The following CFAP43 variants were observed in gnomAD, a reference collection of about 807,000 sequenced individuals.
CFAP43 encodes cilia and flagella associated protein 43, also known as cilia- and flagella-associated protein 43.
Under a neutral mutation model 218.9 loss-of-function variants are expected in CFAP43, and 155 were observed. That is an observed-to-expected ratio of 0.71 (90% CI 0.62 to 0.81). The LOEUF (loss-of-function observed/expected upper bound fraction) is 0.81. CFAP43 is among the 30% of genes least tolerant of loss of function. The pLI is 0.00. For missense variants in CFAP43, 1,778 were observed against 1,954.3 expected (o/e 0.91, Z 1.70); for synonymous variants, 645 against 681.3 (o/e 0.95, Z 0.83).
chr10:104,157,696 G>C (rs1333996263), intron 27 of CFAP43, among the ~76,000 whole-genome samples: 1 of 150,418 alleles, frequency 6.6e-6, no homozygotes. Flanking sequence ...AGAACCCTGT[G>C]CTGTCGAATT....
At chr10:104,219,471 G>A (rs186808389) in intron 3 of CFAP43, among the ~76,000 whole-genome samples, 1 of 152,182 alleles carries the variant, frequency 6.6e-6, no homozygotes, top group Non-Finnish European at 1.5e-5. Context: ...TTGGCTGAAA[G>A]GAATCTTCTT....
intron 12 of CFAP43, among the ~76,000 whole-genome samples, chr10:104,188,821 T>C (rs2090116344): frequency 6.6e-6 from 1 of 152,294 alleles, no homozygotes; most frequent in African/African-American, 2.4e-5. Flanking sequence ...GGTCAAGGAC[T>C]GTGGGTGTGG....
chr10:104,133,866 A>G, intron 34 of CFAP43, 82 bp from the exon 35 acceptor site: 2 of 1,262,040 alleles, frequency 1.6e-6, no homozygotes, highest in Non-Finnish European at 1.1e-6. Flanking sequence ...TGCTATTTTT[A>G]GAAAATACTT....
chr10:104,163,960 A>G (rs2134820277), intron 24 of CFAP43, 134 bp downstream of exon 24: 2 of 796,308 alleles, frequency 2.5e-6, no homozygotes, highest in East Asian at 5.3e-5. Context: ...AGGCTACATC[A>G]TGTCTTTCTG....
Position 104,166,608 on chromosome 10 carries a change from AT to A in CFAP43, c.2918del (p.Asn973IlefsTer10), listed in dbSNP as rs1415127109. ...EEEDKTVKYS[N>X]LPNYLLGSLS... is the part of the protein sequence containing the mutation. Reference sequence around the variant, plus strand: ...GACTACCAAGCAGGTAATTGGGCAAATTGCTATATTTTACTGTCTTGTCTTC... The same window carrying A: ...GACTACCAAGCAGGTAATTGGGCAAATGCTATATTTTACTGTCTTGTCTTC... On this transcript the variant is annotated frameshift_variant, in exon 23 of 38. Coordinates refer to ENST00000357060, the MANE Select transcript of CFAP43 (RefSeq NM_025145.7). LOFTEE classifies it high-confidence loss of function. The A allele has an allele frequency of 6.2e-7, 1 of 1,614,112 alleles. No homozygotes were observed. The highest frequency in any genetic ancestry group is 1.1e-5 in the South Asian group (1 of 91,078).
At chr10:104,194,848 T>G (rs2090339863) in intron 10 of CFAP43, among the ~76,000 whole-genome samples, 1 of 152,208 alleles carries the variant, frequency 6.6e-6, no homozygotes, top group Non-Finnish European at 1.5e-5. Context: ...GTCCAGCAGC[T>G]TGCCCAAGGA....
intron 16 of CFAP43, among the ~76,000 whole-genome samples, chr10:104,184,637 C>T (rs1029826712): frequency 6.6e-6 from 1 of 152,000 alleles, no homozygotes; most frequent in African/African-American, 2.4e-5. Flanking sequence ...CTTTCACAAT[C>T]GGGGCCACCA....
chr10:104,163,827 A>C (rs1398398791), intron 24 of CFAP43, among the ~76,000 whole-genome samples: 2 of 152,254 alleles, frequency 1.3e-5, no homozygotes, highest in African/African-American at 4.8e-5. Flanking sequence ...TAAGAGATGA[A>C]GATAGAAGGC....
intron 3 of CFAP43, 70 bp downstream of exon 3, chr10:104,225,391 G>T (rs957835691): frequency 5.0e-6 from 6 of 1,189,786 alleles, no homozygotes; most frequent in Non-Finnish European, 7.0e-6. Flanking sequence ...TATTTCCTTC[G>T]ATAAAATCCA....
rs138085579 is a variant in CFAP43, at chr10:104,169,036, C to T, written c.2587-188G>A. Among the ~76,000 whole-genome samples the T allele has an allele frequency of 9.8e-5, 15 of 152,286 alleles. No homozygotes were observed. In the East Asian group the frequency reaches 1.9e-3, roughly 20 times the overall value. ...GGAAACACATCTCTGCCTTTGAGAA[C>T]GTCTCCTGAAGTTTGTCTGTAGGCT... On this transcript the variant is annotated intron_variant, in intron 20 of 37. Coordinates refer to ENST00000357060, the MANE Select transcript of CFAP43 (RefSeq NM_025145.7).
At chr10:104,198,679 C>T (rs1275774022) in intron 8 of CFAP43, among the ~76,000 whole-genome samples, 1 of 151,586 alleles carries the variant, frequency 6.6e-6, no homozygotes, top group East Asian at 1.9e-4. Context: ...GTGACTGAGT[C>T]TCCCTCTGTC....
intron 2 of CFAP43, among the ~76,000 whole-genome samples, chr10:104,228,188 C>CT (rs913137052): frequency 2.0e-5 from 3 of 152,086 alleles, no homozygotes; most frequent in Non-Finnish European, 2.9e-5. Flanking sequence ...ATATTTAATG[C>CT]TTTTTTTCAT....
At chr10:104,169,030 T>C (rs2089297915) in intron 20 of CFAP43, among the ~76,000 whole-genome samples, 182 bp from the exon 21 acceptor site, 1 of 152,216 alleles carries the variant, frequency 6.6e-6, no homozygotes, top group South Asian at 2.1e-4. Context: ...TCTCTGCCTT[T>C]GAGAACGTCT....
intron 3 of CFAP43, among the ~76,000 whole-genome samples, chr10:104,221,963 C>G (rs2135000127): frequency 6.6e-6 from 1 of 152,232 alleles, no homozygotes; most frequent in East Asian, 1.9e-4. Flanking sequence ...GTCCCAGACC[C>G]CACCAGCCTG....
chr10:104,181,286 A>G (rs11191940), intron 17 of CFAP43, among the ~76,000 whole-genome samples: 1 of 151,810 alleles, frequency 6.6e-6, no homozygotes, highest in African/African-American at 2.4e-5. Flanking sequence ...AGTGAGTTCT[A>G]TCAACCCTAC....
chr10:104,205,199 C>T (rs1242622383), intron 7 of CFAP43, among the ~76,000 whole-genome samples: 3 of 115,304 alleles, frequency 2.6e-5, no homozygotes, highest in African/African-American at 7.1e-5. Flanking sequence ...GGAGACAGAG[C>T]GAGACTCCGT....
rs1432930458 is a variant in CFAP43, at chr10:104,177,681, G to A, written c.2460+1348C>T. Among the ~76,000 whole-genome samples the A allele has an allele frequency of 2.6e-5, 4 of 152,150 alleles. No homozygotes were observed. In the East Asian group the frequency reaches 5.8e-4, roughly 22 times the overall value. ...TACCAGCAAACCTAGAATACTCATC[G>A]AACATATCAAGGTGCATAACTGTAA... On this transcript the variant is annotated intron_variant, in intron 19 of 37. Transcript: ENST00000357060.
Position 104,166,726 on chromosome 10 carries a change from T to C in CFAP43, c.2809-8A>G, listed in dbSNP as rs1246596341. On this transcript the variant is annotated splice_polypyrimidine_tract_variant and splice_region_variant and intron_variant, in intron 22 of 37. Coordinates refer to ENST00000357060, the MANE Select transcript of CFAP43 (RefSeq NM_025145.7). ...TACAATTTCCTTCCGTAGCTACATG[T>C]AGAAAAAGATGACACAGAAGTTATG... 8.2e-6 allele frequency: 13 copies of C among 1,591,058 alleles called. No homozygotes were observed. The highest frequency in any genetic ancestry group is 2.3e-5 in the South Asian group (2 of 87,288).
chr10:104,225,209 T>C (rs2135008729), intron 3 of CFAP43, among the ~76,000 whole-genome samples: 1 of 152,290 alleles, frequency 6.6e-6, no homozygotes, highest in East Asian at 1.9e-4. Flanking sequence ...ATATATTCTC[T>C]ATCTGAGAAT....
Sources: allele counts gnomAD v4.1 joint callset (sites outside exome capture counted in the v4.1 genomes callset), GRCh38; gene constraint gnomAD v4.1.1; transcripts MANE v1.5; gene names NCBI Gene and HGNC (gene_info 2026-07-23, HGNC 2026-07-21).